EPHB2: variants seen among roughly 807,000 people sequenced by gnomAD.
The protein encoded by EPHB2 is ephrin type-B receptor 2.
A neutral mutation model predicts 96.4 loss-of-function variants in EPHB2; 18 were observed. The observed-to-expected ratio is 0.19, with a 90% CI of 0.13 to 0.28. EPHB2 has a LOEUF of 0.28. Among genes scored for constraint, EPHB2 ranks in the 10% least tolerant of loss-of-function variants. The pLI is 1.00. For missense variants in EPHB2, 989 were observed against 1,355.4 expected, an observed-to-expected ratio of 0.73 and a Z score of 4.25; for synonymous variants, 506 against 534.1, an observed-to-expected ratio of 0.95 and a Z score of 0.72.
chr1:22,912,406 G>C, intron 14 of EPHB2, 38 bp from the exon 15 acceptor site: 1 of 1,612,940 alleles, frequency 6.2e-7, no homozygotes, highest in Non-Finnish European at 8.5e-7. Context: ...CTGCAAACAG[G>C]TGCCCTGACC....
intron 1 of EPHB2, among the ~76,000 whole-genome samples, chr1:22,711,490 C>T (rs1643142450): frequency 6.6e-6 from 1 of 150,448 alleles, no homozygotes; most frequent in East Asian, 2.0e-4. Flanking sequence ...GGGAGGGAGG[C>T]ACCGCGGCCG....
chr1:22,762,956 T>A (rs1418289981), intron 1 of EPHB2, among the ~76,000 whole-genome samples: 1 of 152,060 alleles, frequency 6.6e-6, no homozygotes, highest in African/African-American at 2.4e-5. Context: ...CAGCAGCATC[T>A]AGTGCCTATG....
chr1:22,836,103 C>T (rs2148491906), intron 3 of EPHB2: 1 of 152,366 alleles, frequency 6.6e-6, no homozygotes, highest in South Asian at 2.1e-4. Flanking sequence ...ATCACCGGCC[C>T]AGGGGCTCGG....
chr1:22,803,729 A>G (rs1320127089), intron 3 of EPHB2, among the ~76,000 whole-genome samples: 7 of 147,378 alleles, frequency 4.7e-5, no homozygotes, highest in South Asian at 2.1e-4. Flanking sequence ...ATATATGTAT[A>G]TGTGTGTGTG....
intron 3 of EPHB2, among the ~76,000 whole-genome samples, chr1:22,794,131 G>A (rs770717385): frequency 8.5e-5 from 13 of 152,104 alleles, no homozygotes; most frequent in East Asian, 5.8e-4. Flanking sequence ...TCCAGATGAC[G>A]GAGGATCCCC....
intron 3 of EPHB2, among the ~76,000 whole-genome samples, chr1:22,847,797 A>G (rs1645565464): frequency 6.8e-6 from 1 of 147,378 alleles, no homozygotes; most frequent in South Asian, 2.2e-4. Context: ...CCTTCCCCCC[A>G]TACACCCTGT....
intron 1 of EPHB2, among the ~76,000 whole-genome samples, chr1:22,776,194 C>A (rs1644449238): frequency 6.6e-6 from 1 of 152,212 alleles, no homozygotes; most frequent in African/African-American, 2.4e-5. Context: ...ACAAACCCCG[C>A]TGTGGCTCAG....
Position 22,906,624 on chromosome 1 carries a change from C to T in EPHB2, c.1889-86C>T, listed in dbSNP as rs1557749538. 1 of 1,596,268 alleles carries T rather than the reference C, an allele frequency of 6.3e-7. No individual in the cohort carries two copies. Among genetic ancestry groups the T allele is most frequent in the Non-Finnish European group, 8.5e-7 (1 of 1,172,184 alleles). On this transcript the variant is annotated intron_variant, in intron 10 of 15. Transcript: ENST00000374630. This position sits in a 1 kb window ranked among gnomAD's most constrained non-coding sequence, Gnocchi z 4.8. ...TTGAGAAGAAAATGTACCTGCAGGC[C>T]CCGTGAGTGGACATGACAGGGAACA...
intron 1 of EPHB2, among the ~76,000 whole-genome samples, chr1:22,734,988 C>T (rs1006251787): frequency 2.0e-5 from 3 of 152,174 alleles, no homozygotes; most frequent in South Asian, 4.1e-4. Flanking sequence ...TATCTCAGAA[C>T]ACCCCTGCAG....
chr1:22,840,786 G>T (rs1375559573), intron 3 of EPHB2, among the ~76,000 whole-genome samples: 1 of 152,174 alleles, frequency 6.6e-6, no homozygotes, highest in Non-Finnish European at 1.5e-5. Flanking sequence ...GAACATGGAA[G>T]AATGGAGCTA....
Position 22,913,052 on chromosome 1 carries a change from G to T in EPHB2, c.2853-410G>T, listed in dbSNP as rs1049558599. ...TACTAAAATGCAAAAAATTAGCCAC[G>T]CAAGGTGGCATGCACCTGTAATGCC... On this transcript the variant is annotated intron_variant, in intron 15 of 15. Coordinates refer to ENST00000374630, the MANE Select transcript of EPHB2 (RefSeq NM_017449.5). This position sits in a 1 kb window ranked among gnomAD's most constrained non-coding sequence, Gnocchi z 4.1. 1.1e-5 allele frequency: 4 copies of T among 352,772 alleles called. No individual in the cohort carries two copies. The highest frequency in any genetic ancestry group is 2.2e-5 in the Non-Finnish European group (4 of 181,668). 21.9% of individuals were successfully genotyped at this position (352,772 alleles called of 1,614,324 possible). A position where few individuals can be genotyped will look rare whatever the true frequency, so the allele number is the denominator to read the frequency against.
At chr1:22,804,060 C>T (rs747734567) in intron 3 of EPHB2, among the ~76,000 whole-genome samples, 1 of 152,172 alleles carries the variant, frequency 6.6e-6, no homozygotes, top group African/African-American at 2.4e-5. Flanking sequence ...TTGCCCACCC[C>T]GTCTTACAAG....
intron 3 of EPHB2, among the ~76,000 whole-genome samples, chr1:22,809,605 G>A (rs1397678181): frequency 2.6e-5 from 4 of 152,150 alleles, no homozygotes; most frequent in Non-Finnish European, 4.4e-5. Context: ...TACAGATGAG[G>A]AAACTGACTC....
chr1:22,766,945 T>TG (rs1644315627), intron 1 of EPHB2, among the ~76,000 whole-genome samples: 1 of 152,238 alleles, frequency 6.6e-6, no homozygotes, highest in Non-Finnish European at 1.5e-5. Context: ...CCTGTGGTCC[T>TG]GTGGCCTCCG....
At position 22,787,832 on chromosome 1, in the gene EPHB2, C is replaced by T. The variant is rs75886857; in HGVS notation, c.811+2756C>T. 9.1e-4 allele frequency among the ~76,000 whole-genome samples: 139 copies of T among 152,256 alleles called. No individual in the cohort carries two copies. In the East Asian group the frequency reaches 0.02, roughly 22 times the overall value. On this transcript the variant is annotated intron_variant, in intron 3 of 15. Coordinates refer to ENST00000374630, the MANE Select transcript of EPHB2 (RefSeq NM_017449.5). ...CTGGGTTCTTCTGGCTCAGATTTTC[C>T]CATGAGGTTGCACTCAAGGTGTGGC...
Position 22,865,140 on chromosome 1 carries a change from G to T in EPHB2, c.1231G>T (p.Val411Leu). 1 of 1,614,224 alleles carries T rather than the reference G, an allele frequency of 6.2e-7. No homozygotes were observed. Among genetic ancestry groups the T allele is most frequent in the Non-Finnish European group, 8.5e-7 (1 of 1,180,040 alleles). The change falls in exon 5 of 16, where the codon GTG becomes TTG. Residue 411 changes from valine to leucine, a missense_variant. Physicochemically the swap from Val to Leu is conservative, Grantham distance 32 (BLOSUM62 1). Coordinates refer to ENST00000374630, the MANE Select transcript of EPHB2 (RefSeq NM_017449.5). ...CCAGTACACCTTCGAGATCCAGGCTGTGAACGGCGTTACTGACCAGAGCCC... is the reference window on the plus strand; with the variant it reads ...CCAGTACACCTTCGAGATCCAGGCTTTGAACGGCGTTACTGACCAGAGCCC... The part of the protein sequence containing the change: ...HTQYTFEIQA[V>L]NGVTDQSPFS...
At chr1:22,877,263 G>A (rs1638869447) in intron 5 of EPHB2, among the ~76,000 whole-genome samples, 1 of 152,228 alleles carries the variant, frequency 6.6e-6, no homozygotes, top group Non-Finnish European at 1.5e-5. Flanking sequence ...ACACTTCCGT[G>A]CGTCCATGTC....
chr1:22,773,915 A>G (rs1203748142), intron 1 of EPHB2, among the ~76,000 whole-genome samples: 5 of 152,130 alleles, frequency 3.3e-5, no homozygotes, highest in Admixed American at 6.5e-5. Context: ...AACCTCTCCA[A>G]ACTTTGATTT....
intron 1 of EPHB2, among the ~76,000 whole-genome samples, chr1:22,744,828 G>A (rs1425910932): frequency 2.0e-5 from 3 of 151,912 alleles, no homozygotes; most frequent in African/African-American, 7.3e-5. Context: ...ACTACAGACT[G>A]GGTGACAGAG....
Sources: allele counts gnomAD v4.1 joint callset (sites outside exome capture counted in the v4.1 genomes callset), GRCh38; gene constraint gnomAD v4.1.1; non-coding constraint Gnocchi (gnomAD v3.1); transcripts MANE v1.5; gene names NCBI Gene and HGNC (gene_info 2026-07-23, HGNC 2026-07-21).